The following TCF12 variants were observed in gnomAD, a reference collection of about 807,000 sequenced individuals.
The protein encoded by TCF12 is DNA-binding protein HTF4.
A neutral mutation model predicts 86.0 loss-of-function variants in TCF12; 45 were observed. That is an observed-to-expected ratio of 0.52 (90% CI 0.41 to 0.67). The LOEUF is 0.67. Ranked by LOEUF, TCF12 falls within the 30% of genes least tolerant of loss-of-function variation. The probability of loss-of-function intolerance (pLI) is 0.00; values close to 1 mark genes in which losing one functional copy is unlikely to be tolerated. For missense variants in TCF12, 881 were observed against 859.9 expected (o/e 1.02, Z -0.31); for synonymous variants, 330 against 299.6 (o/e 1.10, Z -1.05).
At chr15:57,018,209 C>G (rs1179746747) in intron 3 of TCF12, among the ~76,000 whole-genome samples, 1 of 152,152 alleles carries the variant, frequency 6.6e-6, no homozygotes, top group African/African-American at 2.4e-5. Flanking sequence ...GCAGCAGTTA[C>G]AGGTGAATTT....
intron 3 of TCF12, among the ~76,000 whole-genome samples, chr15:56,957,013 A>C (rs1413250589): frequency 1.3e-5 from 2 of 152,190 alleles, no homozygotes; most frequent in African/African-American, 4.8e-5. Context: ...TGTCTTCGAG[A>C]ATGGACTAAT....
chr15:56,962,038 CAGG>C (rs2061781277), intron 3 of TCF12, among the ~76,000 whole-genome samples: 1 of 147,896 alleles, frequency 6.8e-6, no homozygotes, highest in South Asian at 2.1e-4. Flanking sequence ...GAGGCTGAGG[CAGG>C]AGAATGGCGT....
At chr15:57,022,312 G>A (rs1289735917) in intron 3 of TCF12, among the ~76,000 whole-genome samples, 4 of 152,010 alleles carry the variant, frequency 2.6e-5, no homozygotes, top group Admixed American at 2.6e-4. Flanking sequence ...GTGAGAACAT[G>A]TGGTGTTTGG....
chr15:57,141,783 C>A (rs1479057653), intron 5 of TCF12, among the ~76,000 whole-genome samples: 1 of 152,198 alleles, frequency 6.6e-6, no homozygotes. Flanking sequence ...TGTCAGAAAT[C>A]AGTCAGCCTA....
Position 57,216,407 on chromosome 15 carries a change from C to T in TCF12, c.580-14745C>T, listed in dbSNP as rs76710044. ...GAGTAACACATAAGTGATTATGTAG[C>T]GTTGTGGGTGGAAACAATTCTGGAT... On this transcript the variant is annotated intron_variant, in intron 8 of 20. Coordinates refer to ENST00000333725, the MANE Select transcript of TCF12 (RefSeq NM_207037.2). Among the ~76,000 whole-genome samples, 1,289 of 151,866 alleles carry T rather than the reference C, an allele frequency of 8.5e-3. 15 individuals carry two copies. Among genetic ancestry groups the T allele is most frequent in the East Asian group, 0.053 (277 of 5,180 alleles).
rs931373720 is a variant in TCF12, at chr15:57,197,077, G to A, written c.527-696G>A. Among the ~76,000 whole-genome samples the A allele has an allele frequency of 3.9e-4, 59 of 150,236 alleles. 1 individual carries two copies. Among genetic ancestry groups the A allele is most frequent in the Admixed American group, 1.6e-3 (24 of 14,998 alleles). Reference sequence around the variant, plus strand: ...GCTAAAGGAGTCATATTATCAACATGACCTATTACACTAAGTGCCCCTCTG... The same window carrying A: ...GCTAAAGGAGTCATATTATCAACATAACCTATTACACTAAGTGCCCCTCTG... On this transcript the variant is annotated intron_variant, in intron 7 of 20. Transcript: ENST00000333725.
chr15:56,981,410 A>G (rs1391588665), intron 3 of TCF12, among the ~76,000 whole-genome samples: 1 of 152,158 alleles, frequency 6.6e-6, no homozygotes, highest in Non-Finnish European at 1.5e-5. Flanking sequence ...GAGCAGAAGC[A>G]AGAGAACAAA....
chr15:57,100,375 A>G (rs1477077721), intron 5 of TCF12, among the ~76,000 whole-genome samples: 2 of 151,622 alleles, frequency 1.3e-5, no homozygotes, highest in African/African-American at 4.8e-5. Flanking sequence ...CTAGAGCAGC[A>G]TTAACAGATC....
chr15:57,025,462 C>T (rs112638104), intron 3 of TCF12, among the ~76,000 whole-genome samples: 1,789 of 152,122 alleles, frequency 0.012, 37 homozygotes, highest in African/African-American at 0.04. Flanking sequence ...TATCTATGCA[C>T]CTGAATTTTC....
At chr15:57,062,928 CAA>C (rs1567344099) in intron 3 of TCF12, among the ~76,000 whole-genome samples, 1 of 152,112 alleles carries the variant, frequency 6.6e-6, no homozygotes, top group Non-Finnish European at 1.5e-5. Flanking sequence ...CTGGAGTCTT[CAA>C]AACAGAAGAG....
intron 5 of TCF12, among the ~76,000 whole-genome samples, chr15:57,154,708 G>A (rs757504362): frequency 1.1e-4 from 16 of 152,060 alleles, no homozygotes; most frequent in Non-Finnish European, 1.8e-4. Flanking sequence ...GAGTGACGCC[G>A]TTAAATTTTA....
intron 5 of TCF12, among the ~76,000 whole-genome samples, chr15:57,105,495 A>T (rs140595445): frequency 5.3e-5 from 8 of 151,694 alleles, no homozygotes; most frequent in African/African-American, 1.7e-4. Context: ...GCTCACTGCA[A>T]TCTCACTCCC....
intron 3 of TCF12, among the ~76,000 whole-genome samples, chr15:56,983,105 A>G (rs1388920784): frequency 1.3e-5 from 2 of 152,186 alleles, no homozygotes; most frequent in African/African-American, 4.8e-5. Flanking sequence ...AGAATATGGG[A>G]CATTCTTAAT....
intron 6 of TCF12, among the ~76,000 whole-genome samples, chr15:57,189,390 C>G (rs1382469677): frequency 6.6e-6 from 1 of 152,086 alleles, no homozygotes; most frequent in Non-Finnish European, 1.5e-5. Context: ...TACAATTCAA[C>G]AACAAGAAGA....
At chr15:57,004,986 T>C (rs894174882) in intron 3 of TCF12, among the ~76,000 whole-genome samples, 13 of 152,254 alleles carry the variant, frequency 8.5e-5, no homozygotes, top group Non-Finnish European at 1.0e-4. Flanking sequence ...CTTCCATTCA[T>C]TGAAAGCATT....
intron 3 of TCF12, among the ~76,000 whole-genome samples, chr15:56,965,631 T>G (rs1351677822): frequency 2.0e-5 from 3 of 152,202 alleles, no homozygotes. Flanking sequence ...AATACAGAAT[T>G]AAGTTCAAAA....
intron 5 of TCF12, among the ~76,000 whole-genome samples, chr15:57,113,335 G>A (rs1289161041): frequency 1.3e-5 from 2 of 152,106 alleles, no homozygotes; most frequent in Admixed American, 6.5e-5. Context: ...TGTGCAGCTC[G>A]CTGAGCAGCA....
At chr15:56,960,847 T>C (rs1300065051) in intron 3 of TCF12, among the ~76,000 whole-genome samples, 8 of 152,066 alleles carry the variant, frequency 5.3e-5, no homozygotes, top group African/African-American at 1.9e-4. Context: ...GTTTAAAAAA[T>C]TAATTTATTA....
chr15:57,122,077 T>G lies in TCF12; in HGVS notation c.325+30186T>G, dbSNP rs537544953. 4.0e-5 allele frequency among the ~76,000 whole-genome samples: 6 copies of G among 149,570 alleles called. No homozygotes were observed. In the South Asian group the frequency reaches 1.3e-3, roughly 31 times the overall value. On this transcript the variant is annotated intron_variant, in intron 5 of 20. Coordinates refer to ENST00000333725, the MANE Select transcript of TCF12 (RefSeq NM_207037.2). ...AAAATGTTTTCACTTTTCCTGCTTCTTATCTCCTTGTTTCCTTGTACAAAA... is the reference window on the plus strand; with the variant it reads ...AAAATGTTTTCACTTTTCCTGCTTCGTATCTCCTTGTTTCCTTGTACAAAA...
Sources: allele counts gnomAD v4.1 joint callset (sites outside exome capture counted in the v4.1 genomes callset), GRCh38; gene constraint gnomAD v4.1.1; transcripts MANE v1.5; gene names NCBI Gene and HGNC (gene_info 2026-07-23, HGNC 2026-07-21).